The following SUCNR1 variants were observed in gnomAD, a reference collection of about 807,000 sequenced individuals.
SUCNR1 encodes G-protein coupled receptor 91.
A neutral mutation model predicts 2.4 loss-of-function variants in SUCNR1; 5 were observed. The observed-to-expected ratio is 2.07, with a 90% confidence interval of 1.08 to 4.36. The LOEUF is 4.36. Ranked by LOEUF, SUCNR1 falls within the 30% of genes most tolerant of loss-of-function variation. SUCNR1 has a pLI of 0.00. For synonymous variants in SUCNR1, 162 were observed against 143.9 expected (o/e 1.13, Z -0.90); for missense variants, 373 against 399.2 (o/e 0.93, Z 0.56).
At position 151,880,885 on chromosome 3, in the gene SUCNR1, T is replaced by G. The variant is rs751573417; in HGVS notation, c.342T>G (p.Thr114=). The G allele has an allele frequency of 6.2e-7, 1 of 1,614,124 alleles. No homozygotes were observed. The highest frequency in any genetic ancestry group is 1.1e-5 in the South Asian group (1 of 91,088). ...ANLYTSILFL[T]FISIDRYLII... ...TCTATACCAGCATTCTCTTTCTCAC[T>G]TTTATCAGCATAGATCGATACTTGA... Residue 114 remains threonine, a synonymous_variant, in exon 3 of 3, where the codon ACT becomes ACG. Transcript: ENST00000362032.
rs1378988703 is a variant in SUCNR1 at position 151,883,793 on chromosome 3, C to T, written c.*2245C>T. 6.6e-6 allele frequency: 1 copy of T among 152,012 alleles called. No individual in the cohort carries two copies. Among genetic ancestry groups the T allele is most frequent in the East Asian group, 1.9e-4 (1 of 5,196 alleles). 9.4% of individuals were successfully genotyped at this position (152,012 alleles called of 1,614,324 possible). A position where few individuals can be genotyped will look rare whatever the true frequency, so the allele number is the denominator to read the frequency against. ...TCTTCAGAATGATGTCTAGATTCTT[C>T]AGTCTGGACCCACCTACTCTTCTCA... On this transcript the variant is annotated 3_prime_UTR_variant, in exon 3 of 3. Transcript: ENST00000362032.
At chr3:151,874,125 C>CAT (rs1171918094) in intron 1 of SUCNR1, among the ~76,000 whole-genome samples, 1,770 of 86,624 alleles carry the variant, frequency 0.02, 74 homozygotes, top group African/African-American at 0.038. Flanking sequence ...CATATACATA[C>CAT]ATATATATAT....
intron 1 of SUCNR1, among the ~76,000 whole-genome samples, chr3:151,875,707 T>C (rs1717905024): frequency 6.6e-6 from 1 of 152,204 alleles, no homozygotes; most frequent in South Asian, 2.1e-4. Context: ...ATTTTACACA[T>C]ACATTTTTAA....
chr3:151,874,081 C>T (rs2108062767), intron 1 of SUCNR1, among the ~76,000 whole-genome samples: 1 of 83,652 alleles, frequency 1.2e-5, no homozygotes, highest in South Asian at 3.2e-4. Context: ...GTATTTGATA[C>T]ATACACACAC....
chr3:151,881,479 C>A lies in SUCNR1; in HGVS notation c.936C>A (p.His312Gln). 2 of 1,613,924 alleles carry A rather than the reference C, an allele frequency of 1.2e-6. No homozygotes were observed. The highest frequency in any genetic ancestry group is 1.3e-5 in the African/African-American group (1 of 75,042). The change falls in exon 3 of 3, where the codon CAC becomes CAA. Residue 312 changes from histidine to glutamine, a missense_variant. This residue lies in a region of SUCNR1 where 157 missense variants were observed against 178.7 expected (regional missense o/e 0.88). Coordinates refer to ENST00000362032, the MANE Select transcript of SUCNR1 (RefSeq NM_033050.6). ...FRDMLMNQLR[H>Q]NFKSLTSFSR... ...ACATGCTGATGAATCAACTGAGACA[C>A]AACTTCAAATCCCTTACATCCTTTA...
Position 151,874,146 on chromosome 3 carries a change from ATTTTTT to A in SUCNR1, c.-42+459_-42+464del, listed in dbSNP as rs56678758. On this transcript the variant is annotated intron_variant, in intron 1 of 2. Transcript: ENST00000362032. ...CATACATATATATATATATATATAT[ATTTTTT>A]TTTTTTTTTTTTTTTTTTAAGACAG... is the stretch of plus-strand genomic sequence containing the variant. 6.8e-3 allele frequency among the ~76,000 whole-genome samples: 412 copies of A among 60,206 alleles called. 5 individuals are homozygous for A. Among genetic ancestry groups the A allele is most frequent in the South Asian group, 0.039 (54 of 1,402 alleles). The allele number at this position is 60,206 out of a possible 152,430, so 39.5% of individuals were successfully genotyped here.
Position 151,880,571 on chromosome 3 carries a change from A to T in SUCNR1, c.28A>T (p.Thr10Ser), listed in dbSNP as rs751575852. ...CTCTCTTCTTTAGGCATGGAATGCA[A>T]CTTGCAAAAACTGGCTGGCAGCAGA... MLGIMAWNATCKNWLAAEAA... is the reference protein window; with the variant it reads MLGIMAWNASCKNWLAAEAA... Residue 10 changes from threonine (T) to serine (S), a missense_variant, in exon 3 of 3, where the codon ACT becomes TCT. Thr to Ser is a moderately conservative substitution (Grantham distance 58). Transcript: ENST00000362032. The T allele has an allele frequency of 1.9e-6, 3 of 1,604,896 alleles. No individual in the cohort carries two copies. In the Admixed American group the frequency reaches 5.1e-5, roughly 28 times the overall value.
At position 151,881,476 on chromosome 3, in the gene SUCNR1, A is replaced by G; in HGVS notation, c.933A>G (p.Arg311=). Residue 311 remains arginine, a synonymous_variant, in exon 3 of 3, where the codon AGA becomes AGG. Transcript: ENST00000362032. ...GGGACATGCTGATGAATCAACTGAGACACAACTTCAAATCCCTTACATCCT... is the reference window on the plus strand; with the variant it reads ...GGGACATGCTGATGAATCAACTGAGGCACAACTTCAAATCCCTTACATCCT... ...HFRDMLMNQL[R]HNFKSLTSFS... 1 of 1,613,958 alleles carries G rather than the reference A, an allele frequency of 6.2e-7. No homozygotes were observed. The highest frequency in any genetic ancestry group is 1.3e-5 in the African/African-American group (1 of 75,046).
rs760099487 is a variant in SUCNR1 at position 151,880,924 on chromosome 3, T to C, written c.381T>C (p.Pro127=). ...SIDRYLIIKY[P]FREHLLQKKE... is the part of the protein sequence containing the mutation. ...ATCGATACTTGATAATTAAGTATCC[T>C]TTCCGAGAACACCTTCTGCAAAAGA... is the stretch of plus-strand genomic sequence containing the variant. Residue 127 remains proline (P), a synonymous_variant, in exon 3 of 3, where the codon CCT becomes CCC. Transcript: ENST00000362032. 5.0e-6 allele frequency: 8 copies of C among 1,614,052 alleles called. No homozygotes were observed. In the East Asian group the frequency reaches 8.9e-5, roughly 18 times the overall value.
chr3:151,879,296 T>C (rs1718012527), intron 1 of SUCNR1, among the ~76,000 whole-genome samples: 1 of 152,198 alleles, frequency 6.6e-6, no homozygotes, highest in Non-Finnish European at 1.5e-5. Context: ...ATAAAGGTCT[T>C]TCACTAAGCA....
At chr3:151,878,948 G>C (rs1718001841) in intron 1 of SUCNR1, among the ~76,000 whole-genome samples, 1 of 152,078 alleles carries the variant, frequency 6.6e-6, no homozygotes, top group African/African-American at 2.4e-5. Flanking sequence ...CTCATAAAAA[G>C]CAGTTTAGGT....
intron 1 of SUCNR1, among the ~76,000 whole-genome samples, chr3:151,874,935 A>G (rs1717878007): frequency 6.6e-6 from 1 of 151,942 alleles, no homozygotes. Context: ...TGACTATAAA[A>G]ACAAACAATT....
Position 151,881,420 on chromosome 3 carries a change from GTCTTCTATTTTCTTTTGGGAGA to G in SUCNR1, c.880_901del (p.Phe294ThrfsTer6). On this transcript the variant is annotated frameshift_variant, in exon 3 of 3. Transcript: ENST00000362032. LOFTEE classifies it low-confidence loss of function (END_TRUNC). ...CTTTCTGAACAGTGTCATCAACCCT[GTCTTCTATTTTCTTTTGGGAGA>G]TCACTTCAGGGACATGCTGATGAAT... is the stretch of plus-strand genomic sequence containing the variant. 6.2e-7 allele frequency: 1 copy of G among 1,614,144 alleles called. No individual in the cohort carries two copies. Among genetic ancestry groups the G allele is most frequent in the Non-Finnish European group, 8.5e-7 (1 of 1,180,016 alleles).
chr3:151,877,787 T>C (rs979617985), intron 1 of SUCNR1, among the ~76,000 whole-genome samples: 4 of 152,050 alleles, frequency 2.6e-5, no homozygotes, highest in African/African-American at 9.7e-5. Context: ...GTAAGGCAGA[T>C]ACAAGCTGGG....
rs562203094 is a variant in SUCNR1 at position 151,877,624 on chromosome 3, C to T, written c.-41-2228C>T. On this transcript the variant is annotated intron_variant, in intron 1 of 2. Coordinates refer to ENST00000362032, the MANE Select transcript of SUCNR1 (RefSeq NM_033050.6). ...ACTTTGAGGATATTGCTTAGATTTT[C>T]GTGGTGAGCACCTGGATACATGGCA... is the stretch of plus-strand genomic sequence containing the variant. 1.8e-4 allele frequency among the ~76,000 whole-genome samples: 28 copies of T among 152,234 alleles called. 1 individual carries two copies. In the South Asian group the frequency reaches 5.2e-3, roughly 28 times the overall value.
rs1264770161 is a variant in SUCNR1, at chr3:151,881,459, C to T, written c.916C>T (p.Leu306=). 6.2e-7 allele frequency: 1 copy of T among 1,613,988 alleles called. No individual in the cohort carries two copies. The highest frequency in any genetic ancestry group is 1.7e-5 in the Admixed American group (1 of 60,022). ...FLLGDHFRDM[L]MNQLRHNFKS... ...TTTGGGAGATCACTTCAGGGACATG[C>T]TGATGAATCAACTGAGACACAACTT... Residue 306 remains leucine (L), a synonymous_variant, in exon 3 of 3, where the codon CTG becomes TTG. Transcript: ENST00000362032.
In SUCNR1 at chr3:151,880,845, T is replaced by A; in HGVS notation, c.302T>A (p.Val101Glu). The A allele has an allele frequency of 6.2e-7, 1 of 1,614,178 alleles. No individual in the cohort carries two copies. The highest frequency in any genetic ancestry group is 8.5e-7 in the Non-Finnish European group (1 of 1,180,032). The change falls in exon 3 of 3, where the codon GTG (valine) becomes GAG (glutamate). Residue 101 changes from valine to glutamate, a missense_variant. Transcript: ENST00000362032. ...GDVLCISNRY[V>E]LHANLYTSIL... ...GTGCTCTGCATAAGCAACCGATATG[T>A]GCTTCATGCCAACCTCTATACCAGC...
At chr3:151,873,926 AATTTT>A (rs1270200360) in intron 1 of SUCNR1, among the ~76,000 whole-genome samples, 2 of 151,824 alleles carry the variant, frequency 1.3e-5, no homozygotes. Flanking sequence ...GTCAAATACT[AATTTT>A]ATTTTATGTA....
At chr3:151,873,911 T>C (rs578057943) in intron 1 of SUCNR1, among the ~76,000 whole-genome samples, 2 of 152,124 alleles carry the variant, frequency 1.3e-5, no homozygotes, top group East Asian at 3.9e-4. Flanking sequence ...TGTCTTCTTT[T>C]AGTTGTCAAA....
Sources: allele counts gnomAD v4.1 joint callset (sites outside exome capture counted in the v4.1 genomes callset), GRCh38; gene constraint gnomAD v4.1.1; regional missense constraint gnomAD v4.1.1; transcripts MANE v1.5; gene names NCBI Gene and HGNC (gene_info 2026-07-23, HGNC 2026-07-21).